Variants in SLC4A4 observed in about 807,000 individuals in gnomAD.
The protein encoded by SLC4A4 is electrogenic sodium bicarbonate cotransporter 1.
SLC4A4 carries 27 observed loss-of-function variants against 111.5 expected under a neutral mutation model. The ratio of observed to expected loss-of-function variants is 0.24; its 90% CI spans 0.18 to 0.33. The LOEUF is 0.33. SLC4A4 is among the 10% of genes least tolerant of loss of function. The pLI, the probability that SLC4A4 is intolerant of heterozygous loss-of-function variation, is 1.00. For synonymous variants in SLC4A4, 443 were observed against 463.4 expected (o/e 0.96, Z 0.57); for missense variants, 909 against 1,315.5 (o/e 0.69, Z 4.78).
chr4:71,333,385 A>C (rs1728176724), intron 3 of SLC4A4, among the ~76,000 whole-genome samples: 1 of 152,216 alleles, frequency 6.6e-6, no homozygotes, highest in Admixed American at 6.5e-5. Flanking sequence ...CTCTGAACAG[A>C]AGAAGTCTCT....
rs149938502 is a variant in SLC4A4 at position 71,567,030 on chromosome 4, C to T, written c.3223C>T (p.Arg1075Cys). ...DRERSPTFLE[R>C]HTSC ...AGAAAGATCACCAACATTCCTTGAA[C>T]GCCACACATCATGCTGATAAAATTC... The change falls in exon 25 of 26, where the codon CGC becomes TGC. Residue 1075 changes from arginine (R) to cysteine (C), a missense_variant. Transcript: ENST00000264485. 4.5e-5 allele frequency: 72 copies of T among 1,609,966 alleles called. No homozygotes were observed. The highest frequency in any genetic ancestry group is 5.6e-5 in the Non-Finnish European group (66 of 1,177,446).
intron 7 of SLC4A4, among the ~76,000 whole-genome samples, chr4:71,420,422 A>G (rs1383079742): frequency 1.3e-5 from 2 of 152,202 alleles, no homozygotes; most frequent in African/African-American, 4.8e-5. Context: ...GCAGGATATT[A>G]TCCAGGAGAA....
chr4:71,266,845 T>C (rs1347926200), intron 3 of SLC4A4, among the ~76,000 whole-genome samples: 1 of 152,154 alleles, frequency 6.6e-6, no homozygotes, highest in Non-Finnish European at 1.5e-5. Context: ...TTTAATCCAA[T>C]CTAAGAAATA....
Position 71,548,638 on chromosome 4 carries a change from C to T in SLC4A4, c.2694+918C>T, listed in dbSNP as rs373688227. Among the ~76,000 whole-genome samples, 27 of 151,992 alleles carry T rather than the reference C, an allele frequency of 1.8e-4. No individual in the cohort carries two copies. The East Asian group carries it at 5.1e-3, about 28-fold the overall frequency. ...ATAAACAACCACTGTTAACGATATC[C>T]TTCCAAATTTTCTCTTACAATTTTT... is the stretch of plus-strand genomic sequence containing the variant. On this transcript the variant is annotated intron_variant, in intron 20 of 25. Transcript: ENST00000264485.
chr4:71,294,247 G>A (rs1475191351), intron 3 of SLC4A4, among the ~76,000 whole-genome samples: 3 of 152,218 alleles, frequency 2.0e-5, no homozygotes, highest in Admixed American at 6.5e-5. Flanking sequence ...CTGTGAAGCT[G>A]CCTAGGGCTA....
rs1345896167 is a variant in SLC4A4, at chr4:71,437,209, C to CA, written c.808-3407_808-3406insA. Reference sequence around the variant, plus strand: ...AGGAATACTTGAGTCCCTATGCTGTCCAAGAATCCACCTATGACAGCTTTC... The same window carrying CA: ...AGGAATACTTGAGTCCCTATGCTGTCACAAGAATCCACCTATGACAGCTTTC... On this transcript the variant is annotated intron_variant, in intron 7 of 25. Coordinates refer to ENST00000264485, the MANE Select transcript of SLC4A4 (RefSeq NM_001098484.3). 1.1e-3 allele frequency: 433 copies of CA among 390,978 alleles called. 4 individuals carry two copies. The highest frequency in any genetic ancestry group is 3.8e-4 in the Non-Finnish European group (77 of 201,118). The allele number at this position is 390,978 out of a possible 1,614,324, so 24.2% of individuals were successfully genotyped here. A position where few individuals can be genotyped will look rare whatever the true frequency, so the allele number is the denominator to read the frequency against.
At chr4:71,344,256 C>A (rs1729135431) in intron 4 of SLC4A4, among the ~76,000 whole-genome samples, 1 of 152,142 alleles carries the variant, frequency 6.6e-6, no homozygotes, top group Admixed American at 6.6e-5. Context: ...AACCTTGATT[C>A]TTGGTTTGCT....
intron 16 of SLC4A4, among the ~76,000 whole-genome samples, chr4:71,520,586 A>T (rs1356400337): frequency 2.0e-5 from 3 of 152,262 alleles, no homozygotes; most frequent in Non-Finnish European, 4.4e-5. Flanking sequence ...AAGTTTGGCT[A>T]GATGACAATT....
chr4:71,349,335 G>T (rs1320249989), intron 4 of SLC4A4, among the ~76,000 whole-genome samples: 1 of 152,178 alleles, frequency 6.6e-6, no homozygotes, highest in Non-Finnish European at 1.5e-5. Flanking sequence ...ATATGCATCA[G>T]CTGAGATATG....
intron 2 of SLC4A4, among the ~76,000 whole-genome samples, chr4:71,175,508 C>A (rs761600281): frequency 6.6e-6 from 1 of 152,252 alleles, no homozygotes; most frequent in African/African-American, 2.4e-5. Context: ...ATGGTCTTAG[C>A]AAACGGCACA....
chr4:71,464,635 G>A (rs1308459145), intron 12 of SLC4A4, among the ~76,000 whole-genome samples: 1 of 152,126 alleles, frequency 6.6e-6, no homozygotes, highest in Non-Finnish European at 1.5e-5. Flanking sequence ...TTTGCCATGA[G>A]AGAAGCCAAT....
intron 3 of SLC4A4, among the ~76,000 whole-genome samples, chr4:71,281,926 T>C (rs556991129): frequency 1.4e-5 from 2 of 146,214 alleles, no homozygotes; most frequent in South Asian, 4.3e-4. Context: ...TTCTCTTTCT[T>C]TTTTTTTTTT....
chr4:71,140,585 C>G (rs981153046), intron 2 of SLC4A4, among the ~76,000 whole-genome samples: 4 of 152,286 alleles, frequency 2.6e-5, no homozygotes, highest in African/African-American at 9.6e-5. Flanking sequence ...CCTTCCAAAG[C>G]TGCTCTGCCC....
intron 15 of SLC4A4, among the ~76,000 whole-genome samples, chr4:71,487,764 A>G (rs1729551856): frequency 6.6e-6 from 1 of 151,506 alleles, no homozygotes; most frequent in Admixed American, 6.6e-5. Flanking sequence ...ATTTCTACAG[A>G]TATTATGTAG....
intron 2 of SLC4A4, among the ~76,000 whole-genome samples, chr4:71,111,844 G>A (rs893940535): frequency 1.3e-5 from 2 of 149,970 alleles, no homozygotes; most frequent in Non-Finnish European, 3.0e-5. Context: ...TCACAGGCAC[G>A]TGCCACCACA....
rs575597233 is a variant in SLC4A4 at position 71,268,072 on chromosome 4, A to AGT, written c.253+12676_253+12677dup. 2.2e-3 allele frequency among the ~76,000 whole-genome samples: 113 copies of AGT among 51,018 alleles called. 1 individual carries two copies. The highest frequency in any genetic ancestry group is 0.014 in the Middle Eastern group (1 of 70). The allele number at this position is 51,018 out of a possible 152,430, so 33.5% of individuals were successfully genotyped here. On this transcript the variant is annotated intron_variant, in intron 3 of 25. Transcript: ENST00000264485. ...ATGATATCAGTGTGCCAAATAAAGT[A>AGT]GTGTTTTTTTTTTTTTTTTTTTTTT...
At chr4:71,430,342 A>C (rs1306295799) in intron 7 of SLC4A4, among the ~76,000 whole-genome samples, 1 of 152,154 alleles carries the variant, frequency 6.6e-6, no homozygotes, top group African/African-American at 2.4e-5. Flanking sequence ...GGAAGATGAG[A>C]AAATTTCCAT....
chr4:71,223,918 C>T (rs1718902089), intron 1 of SLC4A4, among the ~76,000 whole-genome samples: 1 of 152,068 alleles, frequency 6.6e-6, no homozygotes, highest in Non-Finnish European at 1.5e-5. Context: ...GTCTTCGTGG[C>T]CCCGTTTCTG....
In SLC4A4 at chr4:71,398,871, G is replaced by A. The variant is rs372855002; in HGVS notation, c.807+1218G>A. 5.3e-5 allele frequency among the ~76,000 whole-genome samples: 8 copies of A among 152,158 alleles called. No individual in the cohort carries two copies. In the East Asian group the frequency reaches 1.5e-3, roughly 29 times the overall value. On this transcript the variant is annotated intron_variant, in intron 7 of 25. Transcript: ENST00000264485. Reference sequence around the variant, plus strand: ...TGTCTTTTGATATAGTAGAAGAGATGGTTCTGGTTGGCTCCATGCTTGATA... The same window carrying A: ...TGTCTTTTGATATAGTAGAAGAGATAGTTCTGGTTGGCTCCATGCTTGATA...
Sources: gnomAD v4.1 joint callset for allele counts (sites outside exome capture counted in the v4.1 genomes callset) on GRCh38, gnomAD v4.1.1 for gene constraint, MANE v1.5 for transcripts, NCBI Gene and HGNC (gene_info 2026-07-23, HGNC 2026-07-21) for gene names.